The following CHM variants were observed in gnomAD, a reference collection of about 807,000 sequenced individuals.
CHM encodes CHM Rab escort protein.
Under a neutral mutation model 49.0 loss-of-function variants are expected in CHM, and 10 were observed. That is an observed-to-expected ratio of 0.20 (90% CI 0.13 to 0.35). CHM has a LOEUF of 0.35. CHM is among the 10% of genes least tolerant of loss of function. The pLI, the probability that CHM is intolerant of heterozygous loss-of-function variation, is 1.00. For synonymous variants in CHM, 184 were observed against 167.5 expected (o/e 1.10, Z -0.76); for missense variants, 455 against 478.4 (o/e 0.95, Z 0.46).
chrX:85,984,861 T>C (rs1315669934), intron 2 of CHM, among the ~76,000 whole-genome samples: 1 of 112,523 alleles, frequency 8.9e-6, no homozygotes, highest in Non-Finnish European at 1.9e-5. Flanking sequence ...TACTATATGA[T>C]ACCATTTATA....
At chrX:86,014,551 T>G (rs1293101553) in intron 2 of CHM, among the ~76,000 whole-genome samples, 1 of 112,576 alleles carries the variant, frequency 8.9e-6, no homozygotes, top group Non-Finnish European at 1.9e-5. Context: ...AATTTGAAAC[T>G]GAAGGTGAAA....
intron 8 of CHM, among the ~76,000 whole-genome samples, chrX:85,939,673 T>C (rs1369082225): frequency 8.9e-6 from 1 of 112,581 alleles, no homozygotes; most frequent in Non-Finnish European, 1.9e-5. Flanking sequence ...GATATGCGTA[T>C]GTGCACATTA....
chrX:85,948,205 C>A (rs765655710), intron 8 of CHM, among the ~76,000 whole-genome samples: 1 of 111,919 alleles, frequency 8.9e-6, no homozygotes, highest in African/African-American at 3.2e-5. Context: ...TGTTACCAAC[C>A]ACACAAATAA....
At chrX:85,873,620 G>T (rs1924239849) in intron 13 of CHM, among the ~76,000 whole-genome samples, 1 of 111,090 alleles carries the variant, frequency 9.0e-6, no homozygotes, top group Non-Finnish European at 1.9e-5. Flanking sequence ...GTTACCTAGG[G>T]CTGAAGGAAA....
chrX:86,000,602 G>A, intron 2 of CHM, among the ~76,000 whole-genome samples: 2 of 108,162 alleles, frequency 1.8e-5, no homozygotes, highest in Middle Eastern at 4.9e-3. Flanking sequence ...CAACTTTAAT[G>A]TACATTAATG....
intron 13 of CHM, among the ~76,000 whole-genome samples, chrX:85,875,048 C>T (rs779817159): frequency 6.3e-5 from 7 of 111,232 alleles, no homozygotes; most frequent in African/African-American, 2.3e-4. Context: ...ACTTAATAAA[C>T]GCTGGAGGAA....
chrX:85,953,599 G>GA (rs1361009897), intron 8 of CHM, among the ~76,000 whole-genome samples: 3 of 111,329 alleles, frequency 2.7e-5, no homozygotes, highest in Admixed American at 9.6e-5. Flanking sequence ...ACAGAATAGA[G>GA]AACCCAGAAA....
intron 1 of CHM, among the ~76,000 whole-genome samples, chrX:86,039,733 C>T (rs909079127): frequency 9.0e-6 from 1 of 110,846 alleles, no homozygotes; most frequent in African/African-American, 3.3e-5. Context: ...CCACCCCACA[C>T]CCCATCCTGT....
chrX:85,931,792 C>T (rs1928452358), intron 8 of CHM, among the ~76,000 whole-genome samples: 1 of 111,745 alleles, frequency 8.9e-6, no homozygotes, highest in South Asian at 3.7e-4. Flanking sequence ...CATGTGAAAA[C>T]GCATCCACCA....
At chrX:86,034,225 G>A (rs892502291) in intron 1 of CHM, among the ~76,000 whole-genome samples, 7 of 111,819 alleles carry the variant, frequency 6.3e-5, no homozygotes, top group African/African-American at 2.3e-4. Context: ...AAAAGTGAAT[G>A]TTTATGCTAG....
At chrX:85,889,522 G>T (rs1446635275) in intron 12 of CHM, among the ~76,000 whole-genome samples, 1 of 111,780 alleles carries the variant, frequency 8.9e-6, no homozygotes, top group Non-Finnish European at 1.9e-5. Context: ...ACCCCAGTCA[G>T]AACGGCTATT....
At chrX:85,969,069 C>T in intron 4 of CHM, 1 of 678,594 alleles carries the variant, frequency 1.5e-6, no homozygotes, top group Non-Finnish European at 1.8e-6. Flanking sequence ...TTTAAGAATT[C>T]AAAATAAATC....
chrX:85,931,403 C>T (rs185251254), intron 8 of CHM, among the ~76,000 whole-genome samples: 66 of 111,352 alleles, frequency 5.9e-4, no homozygotes, highest in Admixed American at 9.5e-5. Flanking sequence ...ACTAAAAATG[C>T]GTAAAAATCC....
intron 4 of CHM, among the ~76,000 whole-genome samples, chrX:85,965,467 C>T (rs983083207): frequency 1.1e-4 from 12 of 110,956 alleles, no homozygotes; most frequent in African/African-American, 3.6e-4. Flanking sequence ...ACCTTAGCAC[C>T]GCTCCTTCTG....
intron 1 of CHM, among the ~76,000 whole-genome samples, chrX:86,043,108 T>C (rs1934535773): frequency 8.9e-6 from 1 of 111,958 alleles, no homozygotes; most frequent in Non-Finnish European, 1.9e-5. Context: ...GGACATGGTG[T>C]CATAAATAGA....
chrX:86,006,684 T>C lies in CHM; in HGVS notation c.116+20807A>G, dbSNP rs760399151. Among the ~76,000 whole-genome samples the C allele has an allele frequency of 3.6e-5, 4 of 111,273 alleles. No individual in the cohort carries two copies. The South Asian group carries it at 1.5e-3, about 43-fold the overall frequency. On this transcript the variant is annotated intron_variant, in intron 2 of 14. Coordinates refer to ENST00000357749, the MANE Select transcript of CHM (RefSeq NM_000390.4). ...ATTGCTACAAAGAGAATAAAATACCTAGGAATACAACTTACAAGGGATGTG... is the reference window on the plus strand; with the variant it reads ...ATTGCTACAAAGAGAATAAAATACCCAGGAATACAACTTACAAGGGATGTG...
intron 12 of CHM, among the ~76,000 whole-genome samples, chrX:85,879,485 A>G (rs1362410721): frequency 9.3e-6 from 1 of 108,037 alleles, no homozygotes; most frequent in African/African-American, 3.7e-5. Context: ...TTTTGGGAGA[A>G]CACTGCTGAC....
chrX:85,915,363 G>C (rs962098197), intron 8 of CHM, among the ~76,000 whole-genome samples: 3 of 111,958 alleles, frequency 2.7e-5, no homozygotes, highest in African/African-American at 9.8e-5. Context: ...ATGGGCAAAA[G>C]CTGGAAGCAT....
chrX:85,962,067 C>A (rs935696985), intron 5 of CHM, among the ~76,000 whole-genome samples: 1 of 112,366 alleles, frequency 8.9e-6, no homozygotes, highest in African/African-American at 3.2e-5. Context: ...TATGAAATAG[C>A]CTTGATTCTT....
Sources: gnomAD v4.1 joint callset for allele counts (sites outside exome capture counted in the v4.1 genomes callset) on GRCh38, gnomAD v4.1.1 for gene constraint, MANE v1.5 for transcripts, NCBI Gene and HGNC (gene_info 2026-07-23, HGNC 2026-07-21) for gene names.